Variants in FBXO31 observed in about 807,000 individuals in gnomAD.
FBXO31 encodes the protein F-box only protein 31.
A neutral mutation model predicts 54.4 loss-of-function variants in FBXO31; 24 were observed. The observed-to-expected ratio is 0.44, with a 90% CI of 0.32 to 0.62. The LOEUF (loss-of-function observed/expected upper bound fraction) is 0.62. Among genes scored for constraint, FBXO31 ranks in the 20% least tolerant of loss-of-function variants. The pLI, the probability that FBXO31 is intolerant of heterozygous loss-of-function variation, is 0.05. For synonymous variants in FBXO31, 388 were observed against 335.6 expected (o/e 1.16, Z -1.71); for missense variants, 665 against 787.1 (o/e 0.84, Z 1.86).
In FBXO31 at chr16:87,331,089, C is replaced by G. The variant is rs1481102302; in HGVS notation, c.*199G>C. On this transcript the variant is annotated 3_prime_UTR_variant, in exon 9 of 9. Transcript: ENST00000311635. ...TTTGGTAAGACATGCTCAGCTTCTT[C>G]CATCATGGCACTGACAAATATGCAG... 3.5e-6 allele frequency: 2 copies of G among 578,638 alleles called. No homozygotes were observed. Among genetic ancestry groups the G allele is most frequent in the African/African-American group, 3.7e-5 (2 of 53,654 alleles). The allele number at this position is 578,638 out of a possible 1,614,324, so 35.8% of individuals were successfully genotyped here. A position where few individuals can be genotyped will look rare whatever the true frequency, so the allele number is the denominator to read the frequency against.
chr16:87,350,044 A>C (rs1192763246), intron 2 of FBXO31, among the ~76,000 whole-genome samples: 1 of 152,158 alleles, frequency 6.6e-6, no homozygotes, highest in African/African-American at 2.4e-5. Flanking sequence ...CATGTTGGCG[A>C]ACATGGTTTA....
intron 5 of FBXO31, among the ~76,000 whole-genome samples, chr16:87,339,299 G>A (rs1184059319): frequency 6.6e-6 from 1 of 152,210 alleles, no homozygotes; most frequent in African/African-American, 2.4e-5. Flanking sequence ...CTGGAATGCA[G>A]CTCTCCTGGT....
At chr16:87,391,177 C>G (rs1907530271), upstream of FBXO31, among the ~76,000 whole-genome samples, 1 of 152,122 alleles carries the variant, frequency 6.6e-6, no homozygotes, top group Non-Finnish European at 1.5e-5. Flanking sequence ...ACAGCGAGAT[C>G]CCGGCTCTAC....
intron 1 of FBXO31, among the ~76,000 whole-genome samples, chr16:87,373,023 C>T (rs1237889381): frequency 2.0e-5 from 3 of 148,760 alleles, no homozygotes; most frequent in Non-Finnish European, 4.5e-5. Context: ...GCGTGAGCCA[C>T]TGCACCCGGC....
intron 5 of FBXO31, among the ~76,000 whole-genome samples, chr16:87,342,391 T>G (rs1420862436): frequency 6.6e-6 from 1 of 152,136 alleles, no homozygotes; most frequent in Non-Finnish European, 1.5e-5. Context: ...AAGACTTAGA[T>G]CCTTGAAAGC....
chr16:87,344,740 G>A lies in FBXO31; in HGVS notation c.490-975C>T, dbSNP rs139408400. Among the ~76,000 whole-genome samples the A allele has an allele frequency of 1.2e-3, 189 of 152,182 alleles. 2 individuals are homozygous for A. In the East Asian group the frequency reaches 0.02, roughly 16 times the overall value. On this transcript the variant is annotated intron_variant, in intron 3 of 8. Coordinates refer to ENST00000311635, the MANE Select transcript of FBXO31 (RefSeq NM_024735.5). Reference sequence around the variant, plus strand: ...CAATCTGCCCACCCTGTGAGCTGCCGGGCTGGTCTCTCAGAGGAAACATCC... The same window carrying A: ...CAATCTGCCCACCCTGTGAGCTGCCAGGCTGGTCTCTCAGAGGAAACATCC...
Position 87,331,413 on chromosome 16 carries a change from C to G in FBXO31, c.1495G>C (p.Val499Leu). 1 of 1,613,844 alleles carries G rather than the reference C, an allele frequency of 6.2e-7. No homozygotes were observed. Among genetic ancestry groups the G allele is most frequent in the Non-Finnish European group, 8.5e-7 (1 of 1,180,026 alleles). ...ILFDEDRFGFVWLELKSFSLY... is the reference protein window; with the variant it reads ...ILFDEDRFGFLWLELKSFSLY... The stretch of plus-strand genomic sequence containing the variant: ...CTGAAGGATTTCAGCTCCAGCCAGA[C>G]GAACCCGAAGCGGTCCTCATCGAAG... The change falls in exon 9 of 9, where the codon GTC becomes CTC. Residue 499 changes from valine to leucine, a missense_variant. This residue lies in a region of FBXO31 where 71 missense variants were observed against 105.8 expected (regional missense o/e 0.67). Transcript: ENST00000311635.
In FBXO31 at chr16:87,334,116, G is replaced by A. The variant is rs757879905; in HGVS notation, c.1167C>T (p.Gly389=). The change falls in exon 8 of 9, where the codon GGC becomes GGT. Residue 389 remains glycine (G), a synonymous_variant. Coordinates refer to ENST00000311635, the MANE Select transcript of FBXO31 (RefSeq NM_024735.5). The part of the protein sequence containing the change: ...QEQQEGGHEA[G]EGRGRQGPRE... ...GGGGGCCCTGCCGGCCACGACCCTC[G>A]CCCGCCTCGTGCCCGCCTTCCTGCT... The A allele has an allele frequency of 1.2e-5, 20 of 1,610,732 alleles. No homozygotes were observed. The highest frequency in any genetic ancestry group is 2.7e-5 in the African/African-American group (2 of 74,886).
rs764136095 is a variant in FBXO31 at position 87,336,298 on chromosome 16, T to A, written c.733-34A>T. 2 of 1,597,616 alleles carry A rather than the reference T, an allele frequency of 1.3e-6. No homozygotes were observed. Among genetic ancestry groups the A allele is most frequent in the South Asian group, 1.1e-5 (1 of 90,802 alleles). On this transcript the variant is annotated intron_variant, in intron 5 of 8. Coordinates refer to ENST00000311635, the MANE Select transcript of FBXO31 (RefSeq NM_024735.5). This position sits in a 1 kb window ranked among gnomAD's most constrained non-coding sequence, Gnocchi z 6.5. ...AGAACACAGGTCATGAATATCCATA[T>A]GACAGGAGGCTGTGAAGAGGCTGCC...
chr16:87,339,149 G>A (rs563117017), intron 5 of FBXO31, among the ~76,000 whole-genome samples: 2 of 152,296 alleles, frequency 1.3e-5, no homozygotes, highest in South Asian at 4.1e-4. Context: ...CGTGAAAATG[G>A]ACTAATACAG....
rs927725039 is a variant in FBXO31, at chr16:87,336,030, G to C, written c.842+125C>G. ...GCTGTACTCCCAGCCCCCAGCAGGA[G>C]AGAGGGCTGAACCCCAGCACCCACT... On this transcript the variant is annotated intron_variant, in intron 6 of 8. Coordinates refer to ENST00000311635, the MANE Select transcript of FBXO31 (RefSeq NM_024735.5). The surrounding 1 kb of genome is among the most constrained non-coding windows in gnomAD (Gnocchi z 6.5). 7.2e-6 allele frequency: 5 copies of C among 694,788 alleles called. No individual in the cohort carries two copies. The highest frequency in any genetic ancestry group is 5.6e-5 in the Admixed American group (2 of 35,940). The allele number at this position is 694,788 out of a possible 1,614,324, so 43.0% of individuals were successfully genotyped here. A position where few individuals can be genotyped will look rare whatever the true frequency, so the allele number is the denominator to read the frequency against.
intron 1 of FBXO31, among the ~76,000 whole-genome samples, chr16:87,373,237 G>A (rs1906677590): frequency 6.6e-6 from 1 of 151,790 alleles, no homozygotes; most frequent in South Asian, 2.1e-4. Flanking sequence ...AGATCACAAG[G>A]TCAGGAGATC....
At position 87,331,053 on chromosome 16, in the gene FBXO31, TTCTC is replaced by T. The variant is rs369013336; in HGVS notation, c.*231_*234del. Reference sequence around the variant, plus strand: ...CCTACATCTGCTGTATTCAGGCTCGTTCTCTCTGTTTTTGGTAAGACATGCTCAG... The same window carrying T: ...CCTACATCTGCTGTATTCAGGCTCGTTCTGTTTTTGGTAAGACATGCTCAG... On this transcript the variant is annotated 3_prime_UTR_variant, in exon 9 of 9. Transcript: ENST00000311635. 1.9e-3 allele frequency: 959 copies of T among 516,978 alleles called. 4 individuals carry two copies. The highest frequency in any genetic ancestry group is 0.013 in the African/African-American group (654 of 52,252). 32.0% of individuals were successfully genotyped at this position (516,978 alleles called of 1,614,324 possible).
At chr16:87,371,374 G>A (rs571306006) in intron 1 of FBXO31, among the ~76,000 whole-genome samples, 2 of 152,300 alleles carry the variant, frequency 1.3e-5, no homozygotes, top group African/African-American at 4.8e-5. Context: ...AGATGCAGTG[G>A]TCATCCCCGA....
At chr16:87,388,424 G>A (rs1241573723), upstream of FBXO31, among the ~76,000 whole-genome samples, 2 of 152,242 alleles carry the variant, frequency 1.3e-5, no homozygotes, top group African/African-American at 4.8e-5. Flanking sequence ...CAAGAGCAAA[G>A]CGATGACACC....
chr16:87,381,502 CAGCAGATAAACACG>C (rs1907075610), intron 1 of FBXO31, among the ~76,000 whole-genome samples: 1 of 152,208 alleles, frequency 6.6e-6, no homozygotes, highest in Admixed American at 6.5e-5. Flanking sequence ...CAGGATCTCA[CAGCAGATAAACACG>C]AGCCTGGGCT....
intron 8 of FBXO31, among the ~76,000 whole-genome samples, chr16:87,332,108 T>C (rs576816286): frequency 2.8e-4 from 43 of 152,310 alleles, no homozygotes; most frequent in Admixed American, 2.7e-3. Flanking sequence ...GGGGCTGGCC[T>C]GGAATCACCC....
chr16:87,353,426 G>A (rs564510621), intron 2 of FBXO31, among the ~76,000 whole-genome samples: 6 of 152,362 alleles, frequency 3.9e-5, no homozygotes, highest in Admixed American at 1.3e-4. Flanking sequence ...CTCTGTGGAA[G>A]TAATCAAGAT....
chr16:87,374,876 A>G (rs1299933501), intron 1 of FBXO31, among the ~76,000 whole-genome samples: 1 of 152,192 alleles, frequency 6.6e-6, no homozygotes, highest in Non-Finnish European at 1.5e-5. Context: ...AGACTTCATG[A>G]AGTAGCTCAT....
Sources: gnomAD v4.1 joint callset for allele counts (sites outside exome capture counted in the v4.1 genomes callset) on GRCh38, gnomAD v4.1.1 for gene constraint, gnomAD v4.1.1 regional missense constraint, Gnocchi (gnomAD v3.1) non-coding constraint, MANE v1.5 for transcripts, NCBI Gene and HGNC (gene_info 2026-07-23, HGNC 2026-07-21) for gene names.